KAZN: variants seen among roughly 807,000 people sequenced by gnomAD.
KAZN encodes kazrin, periplakin interacting protein.
KAZN carries 40 observed loss-of-function variants against 87.4 expected under a neutral mutation model. The ratio of observed to expected loss-of-function variants is 0.46; its 90% confidence interval spans 0.36 to 0.60. The LOEUF (loss-of-function observed/expected upper bound fraction) is 0.60, where lower values mean the gene tolerates loss of function less well. Ranked by LOEUF, KAZN falls within the 20% of genes least tolerant of loss-of-function variation. The pLI is 0.00. For synonymous variants in KAZN, 466 were observed against 458.3 expected (o/e 1.02, Z -0.22); for missense variants, 898 against 1,073.9 (o/e 0.84, Z 2.29).
At chr1:13,978,491 GATAA>G (rs1356248674) in intron 1 of KAZN, among the ~76,000 whole-genome samples, 4 of 102,650 alleles carry the variant, frequency 3.9e-5, no homozygotes, top group Non-Finnish European at 8.6e-5. Context: ...TGGATATAGA[GATAA>G]ATATATATAT....
chr1:14,072,930 A>G (rs769673592), intron 1 of KAZN, among the ~76,000 whole-genome samples: 5 of 152,178 alleles, frequency 3.3e-5, no homozygotes, highest in Non-Finnish European at 7.3e-5. Flanking sequence ...AAAATTGTAG[A>G]TTCTCGAGGC....
rs183661384 is a variant in KAZN at position 14,472,130 on chromosome 1, A to G, written c.250-126853A>G. On this transcript the variant is annotated intron_variant, in intron 2 of 16. Coordinates refer to the KAZN transcript ENST00000636203. The stretch of plus-strand genomic sequence containing the variant: ...GAACAAGATTCCTTTGGTTTCTTTC[A>G]TAAGGACACTAATCCCATTCATGAG... 3.3e-5 allele frequency among the ~76,000 whole-genome samples: 5 copies of G among 152,306 alleles called. No individual in the cohort carries two copies. In the East Asian group the frequency reaches 7.7e-4, roughly 24 times the overall value.
intron 2 of KAZN, among the ~76,000 whole-genome samples, chr1:14,494,139 A>G (rs1283682298): frequency 1.1e-4 from 16 of 152,188 alleles, no homozygotes; most frequent in Admixed American, 9.8e-4. Flanking sequence ...TTGACTGCCC[A>G]TCCAGGGCTG....
intron 8 of KAZN, among the ~76,000 whole-genome samples, chr1:15,085,165 A>G (rs6669698): frequency 0.31 from 46,684 of 151,718 alleles, 8,746 homozygotes; most frequent in East Asian, 0.82. Flanking sequence ...ATTACCAAGA[A>G]TGCAACGCAC....
intron 2 of KAZN, among the ~76,000 whole-genome samples, chr1:14,269,862 AT>A (rs1651783730): frequency 6.6e-6 from 1 of 152,178 alleles, no homozygotes; most frequent in South Asian, 2.1e-4. Flanking sequence ...CAGCTCTGAA[AT>A]TTCTTTAGTT....
intron 2 of KAZN, among the ~76,000 whole-genome samples, chr1:14,283,621 C>G (rs976572150): frequency 1.3e-5 from 2 of 152,010 alleles, no homozygotes; most frequent in African/African-American, 4.8e-5. Context: ...AAATGGGAAC[C>G]CTTATACGTT....
chr1:14,404,104 T>C (rs1421155841), intron 2 of KAZN, among the ~76,000 whole-genome samples: 1 of 152,154 alleles, frequency 6.6e-6, no homozygotes, highest in Admixed American at 6.5e-5. Context: ...GGTGTGCCGT[T>C]TGCATAACAC....
At chr1:14,188,426 G>T (rs1380488264) in intron 2 of KAZN, among the ~76,000 whole-genome samples, 1 of 152,114 alleles carries the variant, frequency 6.6e-6, no homozygotes, top group Non-Finnish European at 1.5e-5. Flanking sequence ...CTTGGGAACA[G>T]AGGATCCTTT....
At chr1:14,782,554 C>CAAAAAAAAAAAAAAAAAAAAAAAAAAAA (rs71572122) in intron 1 of KAZN, among the ~76,000 whole-genome samples, 1 of 66,252 alleles carries the variant, frequency 1.5e-5, no homozygotes, top group Non-Finnish European at 2.7e-5. Context: ...CCTCAAAGAG[C>CAAAAAAAAAAAAAAAAAAAAAAAAAAAA]AAAAAAAAAA....
chr1:14,557,312 TAA>T (rs1258578059), intron 2 of KAZN, among the ~76,000 whole-genome samples: 2 of 151,848 alleles, frequency 1.3e-5, no homozygotes, highest in Non-Finnish European at 3.0e-5. Context: ...AAGTTATTTT[TAA>T]AAGACTCCTT....
intron 2 of KAZN, among the ~76,000 whole-genome samples, chr1:14,537,123 A>T (rs1890785): frequency 6.6e-6 from 1 of 152,040 alleles, no homozygotes; most frequent in Non-Finnish European, 1.5e-5. Flanking sequence ...TGATGGATAA[A>T]TATCCACAAA....
intron 1 of KAZN, among the ~76,000 whole-genome samples, chr1:14,915,790 G>A (rs1395954174): frequency 6.6e-6 from 1 of 152,166 alleles, no homozygotes; most frequent in African/African-American, 2.4e-5. Flanking sequence ...TTTCTCATCT[G>A]GAACCTGGGG....
chr1:14,158,137 T>C, intron 1 of KAZN, among the ~76,000 whole-genome samples: 1 of 152,210 alleles, frequency 6.6e-6, no homozygotes, highest in East Asian at 1.9e-4. Context: ...TGGATATTGA[T>C]ATCTTTCCGT....
chr1:14,081,527 G>C (rs967525518), intron 1 of KAZN, among the ~76,000 whole-genome samples: 1 of 152,000 alleles, frequency 6.6e-6, no homozygotes, highest in South Asian at 2.1e-4. Flanking sequence ...CAAGTGGTTT[G>C]CAATAGCCAA....
chr1:14,426,739 A>C (rs956521704), intron 2 of KAZN, among the ~76,000 whole-genome samples: 3 of 152,102 alleles, frequency 2.0e-5, no homozygotes, highest in Non-Finnish European at 2.9e-5. Flanking sequence ...CTCCCGCTCC[A>C]TCCAGTGCCT....
At chr1:14,931,961 G>C (rs1301118273) in intron 1 of KAZN, among the ~76,000 whole-genome samples, 1 of 152,134 alleles carries the variant, frequency 6.6e-6, no homozygotes. Flanking sequence ...AAAGAGGCAC[G>C]TGCCTTTCTC....
At chr1:14,266,292 T>A (rs1651469484) in intron 2 of KAZN, among the ~76,000 whole-genome samples, 1 of 152,234 alleles carries the variant, frequency 6.6e-6, no homozygotes. Flanking sequence ...GCACTTTTGC[T>A]TCGAGAAGAA....
At chr1:14,385,886 T>C (rs1434931169) in intron 2 of KAZN, among the ~76,000 whole-genome samples, 1 of 148,306 alleles carries the variant, frequency 6.7e-6, no homozygotes, top group African/African-American at 2.5e-5. Context: ...TTCTGTCTCG[T>C]TGATCTGTCT....
intron 1 of KAZN, among the ~76,000 whole-genome samples, chr1:14,011,431 G>A (rs6689299): frequency 0.43 from 65,430 of 151,944 alleles, 14,718 homozygotes; most frequent in African/African-American, 0.51. Flanking sequence ...ATCACCTGAC[G>A]ACAAAAACCA....
Sources: allele counts gnomAD v4.1 joint callset (sites outside exome capture counted in the v4.1 genomes callset), GRCh38; gene constraint gnomAD v4.1.1; transcripts MANE v1.5; gene names NCBI Gene and HGNC (gene_info 2026-07-23, HGNC 2026-07-21).